The following C1QTNF3 variants were observed in gnomAD, a reference collection of about 807,000 sequenced individuals.
The protein encoded by C1QTNF3 is complement C1q tumor necrosis factor-related protein 3.
Under a neutral mutation model 32.6 loss-of-function variants are expected in C1QTNF3, and 26 were observed. The observed-to-expected ratio is 0.80, with a 90% CI of 0.58 to 1.11. The LOEUF is 1.11. Ranked by LOEUF, C1QTNF3 falls within the 50% of genes least tolerant of loss-of-function variation. The pLI is 0.00. For synonymous variants in C1QTNF3, 155 were observed against 146.0 expected, an observed-to-expected ratio of 1.06 and a Z score of -0.44; for missense variants, 362 against 398.2, an observed-to-expected ratio of 0.91 and a Z score of 0.77.
At chr5:34,040,282 C>A (rs765951748) in intron 1 of C1QTNF3, among the ~76,000 whole-genome samples, 15 of 152,116 alleles carry the variant, frequency 9.9e-5, no homozygotes, top group Admixed American at 2.0e-4. Flanking sequence ...CTAAGAAATG[C>A]TCCATCAATT....
intron 4 of C1QTNF3, among the ~76,000 whole-genome samples, chr5:34,024,838 T>G (rs1400456894): frequency 1.3e-5 from 2 of 152,180 alleles, no homozygotes; most frequent in African/African-American, 4.8e-5. Context: ...CTCTAAATGA[T>G]ATGGGATTTT....
the C1QTNF3 span, among the ~76,000 whole-genome samples, chr5:34,104,695 C>A: frequency 8.4e-6 from 1 of 119,084 alleles, no homozygotes; most frequent in East Asian, 2.3e-4. Flanking sequence ...ACTACCAGGT[C>A]TGGCTAATTT....
At chr5:34,210,864 G>A in the C1QTNF3 span, among the ~76,000 whole-genome samples, 1 of 151,994 alleles carries the variant, frequency 6.6e-6, no homozygotes, top group African/African-American at 2.4e-5. Context: ...ATAGGTTACA[G>A]AATGTATAAC....
the C1QTNF3 span, among the ~76,000 whole-genome samples, chr5:34,153,849 A>G: frequency 0.019 from 1,364 of 73,234 alleles, 44 homozygotes; most frequent in African/African-American, 0.055. Flanking sequence ...TAAAACTTAG[A>G]GTATAAAAAA....
the C1QTNF3 span, among the ~76,000 whole-genome samples, chr5:34,193,894 A>G: frequency 1.3e-5 from 2 of 152,430 alleles, no homozygotes; most frequent in African/African-American, 4.8e-5. Flanking sequence ...AACAGCAGAG[A>G]AAAACTTAGT....
chr5:34,232,196 T>G, the C1QTNF3 span, among the ~76,000 whole-genome samples: 1 of 151,772 alleles, frequency 6.6e-6, no homozygotes, highest in Non-Finnish European at 1.5e-5. Flanking sequence ...GGAATTGGAG[T>G]GTTTACCTGA....
At chr5:34,127,707 C>A in the C1QTNF3 span, among the ~76,000 whole-genome samples, 1 of 151,736 alleles carries the variant, frequency 6.6e-6, no homozygotes, top group African/African-American at 2.4e-5. Flanking sequence ...CCTGCCTCAG[C>A]CTCTCAAGTA....
chr5:34,137,287 GTTTTA>G, the C1QTNF3 span, among the ~76,000 whole-genome samples: 1 of 151,988 alleles, frequency 6.6e-6, no homozygotes, highest in East Asian at 1.9e-4. Context: ...AAATTTTCTG[GTTTTA>G]TTTTAACTTT....
the C1QTNF3 span, among the ~76,000 whole-genome samples, chr5:34,073,184 G>A: frequency 5.9e-5 from 9 of 152,058 alleles, no homozygotes; most frequent in Admixed American, 2.6e-4. Flanking sequence ...AACATTAGCC[G>A]GGTGTGGTGG....
Position 34,018,464 on chromosome 5 carries a change from C to T in C1QTNF3, c.*2119G>A, listed in dbSNP as rs1198131262. Among the ~76,000 whole-genome samples, 1 of 152,032 alleles carries T rather than the reference C, an allele frequency of 6.6e-6. No individual in the cohort carries two copies. Among genetic ancestry groups the T allele is most frequent in the Non-Finnish European group, 1.5e-5 (1 of 68,020 alleles). ...TACTTATTCCCTTTAGCCTATTGTC[C>T]TCTACTAGGTTGAAAAATTAGGGAA... On this transcript the variant is annotated 3_prime_UTR_variant, in exon 6 of 6. Transcript: ENST00000382065.
At chr5:34,067,327 C>T in the C1QTNF3 span, among the ~76,000 whole-genome samples, 1 of 152,210 alleles carries the variant, frequency 6.6e-6, no homozygotes, top group Non-Finnish European at 1.5e-5. Flanking sequence ...AGCAACACCC[C>T]ACTCTACTAG....
chr5:34,131,137 T>G, the C1QTNF3 span, among the ~76,000 whole-genome samples: 2 of 152,220 alleles, frequency 1.3e-5, no homozygotes, highest in Admixed American at 1.3e-4. Context: ...AGTCCCTACT[T>G]CTAAAATATA....
the C1QTNF3 span, among the ~76,000 whole-genome samples, chr5:34,241,943 G>GGAA: frequency 1.2e-5 from 1 of 85,714 alleles, no homozygotes; most frequent in East Asian, 2.7e-4. Flanking sequence ...AAGGGAGGAA[G>GGAA]GGAGGGAGGG....
the C1QTNF3 span, among the ~76,000 whole-genome samples, chr5:34,139,406 C>T: frequency 6.6e-6 from 1 of 152,072 alleles, no homozygotes; most frequent in Non-Finnish European, 1.5e-5. Flanking sequence ...AATTTCATCA[C>T]CCTATCCTCC....
the C1QTNF3 span, among the ~76,000 whole-genome samples, chr5:34,163,530 T>A: frequency 5.6e-4 from 85 of 152,020 alleles, no homozygotes; most frequent in African/African-American, 1.6e-3. Flanking sequence ...ATTTCATATA[T>A]GTCCATGATA....
At chr5:34,124,493 C>T in the C1QTNF3 span, 3 of 714,384 alleles carry the variant, frequency 4.2e-6, no homozygotes, top group Admixed American at 4.0e-5. Flanking sequence ...CACGATGAGA[C>T]CAGGAGCAAG....
chr5:34,061,500 T>C, the C1QTNF3 span, among the ~76,000 whole-genome samples: 2 of 152,216 alleles, frequency 1.3e-5, no homozygotes, highest in Non-Finnish European at 2.9e-5. Context: ...GCCCCACTCC[T>C]GCAGCAAACG....
the C1QTNF3 span, among the ~76,000 whole-genome samples, chr5:34,213,800 TATATATA>T: frequency 3.3e-4 from 1 of 3,070 alleles, no homozygotes; most frequent in African/African-American, 4.8e-4. Context: ...TATATATATA[TATATATA>T]TATTTTTTTT....
chr5:34,083,568 A>T, the C1QTNF3 span, among the ~76,000 whole-genome samples: 1 of 151,412 alleles, frequency 6.6e-6, no homozygotes, highest in African/African-American at 2.4e-5. Flanking sequence ...AACAGACCAT[A>T]TTTATATTGT....
Sources: gnomAD v4.1 joint callset for allele counts (sites outside exome capture counted in the v4.1 genomes callset) on GRCh38, gnomAD v4.1.1 for gene constraint, MANE v1.5 for transcripts, NCBI Gene and HGNC (gene_info 2026-07-23, HGNC 2026-07-21) for gene names.